The following PSME4 variants were observed in gnomAD, a reference collection of about 807,000 sequenced individuals.
PSME4 encodes proteasome activator subunit 4, also known as proteasome activator complex subunit 4.
A neutral mutation model predicts 253.9 loss-of-function variants in PSME4; 89 were observed. The ratio of observed to expected loss-of-function variants is 0.35; its 90% CI spans 0.30 to 0.42. The LOEUF is 0.42. PSME4 is among the 10% of genes least tolerant of loss of function. The probability of loss-of-function intolerance (pLI) is 1.00; values close to 1 mark genes in which losing one functional copy is unlikely to be tolerated. For missense variants in PSME4, 2,014 were observed against 2,195.2 expected (o/e 0.92, Z 1.65); for synonymous variants, 851 against 759.2 (o/e 1.12, Z -1.99).
intron 28 of PSME4, 90 bp downstream of exon 28, chr2:53,901,260 T>C: frequency 8.3e-7 from 1 of 1,199,416 alleles, no homozygotes; most frequent in Non-Finnish European, 1.2e-6. Flanking sequence ...CCAAGAATAT[T>C]ATTACTGGAA....
intron 10 of PSME4, 152 bp downstream of exon 10, chr2:53,931,683 C>T (rs1668836624): frequency 2.6e-6 from 2 of 768,626 alleles, no homozygotes; most frequent in South Asian, 2.7e-5. Context: ...ATCAAGTTAC[C>T]AATCATTACA....
At chr2:53,879,003 A>G (rs1679259044) in intron 41 of PSME4, among the ~76,000 whole-genome samples, 1 of 152,144 alleles carries the variant, frequency 6.6e-6, no homozygotes, top group African/African-American at 2.4e-5. Flanking sequence ...CAGGGGCATC[A>G]AGGAACCTGC....
chr2:53,936,068 TC>T lies in PSME4; in HGVS notation c.834+18del, dbSNP rs1669096048. ...ACCACCCCATGCCTGATAATTTTTT[TC>T]CCCAAAATGTTAATTACCTTTGGTA... On this transcript the variant is annotated intron_variant, in intron 7 of 46. Transcript: ENST00000404125. The T allele has an allele frequency of 5.6e-6, 9 of 1,607,902 alleles. No individual in the cohort carries two copies. Among genetic ancestry groups the T allele is most frequent in the Non-Finnish European group, 7.6e-6 (9 of 1,176,890 alleles).
intron 17 of PSME4, among the ~76,000 whole-genome samples, chr2:53,921,313 G>GT (rs1163569501): frequency 6.6e-6 from 1 of 151,752 alleles, no homozygotes; most frequent in Admixed American, 6.6e-5. Context: ...ATGCACCATA[G>GT]TAACATCCCT....
intron 15 of PSME4, 81 bp from the exon 16 acceptor site, chr2:53,923,199 T>A (rs1490911523): frequency 6.8e-7 from 1 of 1,480,532 alleles, no homozygotes; most frequent in African/African-American, 1.4e-5. Flanking sequence ...AGTAAAAGGC[T>A]GTAAATAAGC....
At chr2:53,930,152 T>C (rs1668759433) in intron 10 of PSME4, among the ~76,000 whole-genome samples, 1 of 152,178 alleles carries the variant, frequency 6.6e-6, no homozygotes, top group Admixed American at 6.5e-5. Context: ...CTATTAAATA[T>C]TTATCTTGGC....
rs746110703 is a variant in PSME4 at position 53,940,004 on chromosome 2, G to C, written c.501-4C>G. 17 of 1,570,726 alleles carry C rather than the reference G, an allele frequency of 1.1e-5. No homozygotes were observed. The highest frequency in any genetic ancestry group is 3.5e-5 in the Admixed American group (2 of 57,852). On this transcript the variant is annotated splice_region_variant and splice_polypyrimidine_tract_variant and intron_variant, in intron 3 of 46. Coordinates refer to ENST00000404125, the MANE Select transcript of PSME4 (RefSeq NM_014614.3). ...TTTGAGAATATTTTCTACAGAACTG[G>C]GGGGGGAAAGCCATTTGATAATTAG...
At position 53,895,290 on chromosome 2, in the gene PSME4, C is replaced by T. The variant is rs576893010; in HGVS notation, c.3843-214G>A. ...AATAAGGAGAGAAAAATATGTATTTCTCTGGGCTGGTTTAGGCATATGTAT... is the reference window on the plus strand; with the variant it reads ...AATAAGGAGAGAAAAATATGTATTTTTCTGGGCTGGTTTAGGCATATGTAT... On this transcript the variant is annotated intron_variant, in intron 33 of 46. Transcript: ENST00000404125. Among the ~76,000 whole-genome samples, 11 of 152,256 alleles carry T rather than the reference C, an allele frequency of 7.2e-5. No individual in the cohort carries two copies. The South Asian group carries it at 1.7e-3, about 23-fold the overall frequency.
chr2:53,933,403 A>AAAAAAAG (rs1558697904), intron 8 of PSME4, among the ~76,000 whole-genome samples: 1 of 139,064 alleles, frequency 7.2e-6, no homozygotes, highest in Non-Finnish European at 1.6e-5. Context: ...AAAAAAAAAA[A>AAAAAAAG]GCGTTTCCCT....
intron 12 of PSME4, among the ~76,000 whole-genome samples, chr2:53,927,069 G>C (rs1335519754): frequency 6.6e-6 from 1 of 151,984 alleles, no homozygotes; most frequent in Non-Finnish European, 1.5e-5. Flanking sequence ...TCAATCCCTT[G>C]GACAGATTTA....
chr2:53,958,850 T>A (rs375202166), intron 1 of PSME4, among the ~76,000 whole-genome samples: 1 of 150,142 alleles, frequency 6.7e-6, no homozygotes. Context: ...AGCCTTCCTG[T>A]ATAGCATCCA....
At chr2:53,899,793 G>C in intron 29 of PSME4, 88 bp downstream of exon 29, 1 of 1,464,200 alleles carries the variant, frequency 6.8e-7, no homozygotes, top group East Asian at 2.3e-5. Flanking sequence ...ACTCCAGCCT[G>C]GGCAACAGAG....
intron 31 of PSME4, among the ~76,000 whole-genome samples, chr2:53,897,344 C>A (rs1388926957): frequency 6.6e-6 from 1 of 151,818 alleles, no homozygotes; most frequent in Non-Finnish European, 1.5e-5. Flanking sequence ...TAATTTTGTA[C>A]TTCTAGTAGA....
chr2:53,922,349 T>C (rs1668365015), intron 17 of PSME4, among the ~76,000 whole-genome samples, 168 bp downstream of exon 17: 1 of 152,204 alleles, frequency 6.6e-6, no homozygotes, highest in Admixed American at 6.5e-5. Context: ...ACTACACCAC[T>C]CCTTTGACAA....
At chr2:53,883,754 T>G (rs1679506717) in intron 41 of PSME4, among the ~76,000 whole-genome samples, 1 of 151,130 alleles carries the variant, frequency 6.6e-6, no homozygotes, top group Non-Finnish European at 1.5e-5. Flanking sequence ...TTCTTTTTTT[T>G]TTTTCCATCT....
chr2:53,920,139 A>G, intron 19 of PSME4, 54 bp downstream of exon 19: 1 of 1,470,484 alleles, frequency 6.8e-7, no homozygotes, highest in South Asian at 1.5e-5. Context: ...ATAAAGCCAA[A>G]AAAGACTTCT....
chr2:53,969,444 C>A (rs1470623805), intron 1 of PSME4, among the ~76,000 whole-genome samples: 1 of 152,082 alleles, frequency 6.6e-6, no homozygotes, highest in Non-Finnish European at 1.5e-5. Context: ...AAAACTATTA[C>A]AAAACCCTGA....
intron 8 of PSME4, among the ~76,000 whole-genome samples, chr2:53,933,829 A>G (rs1157119984): frequency 6.6e-6 from 1 of 152,238 alleles, no homozygotes; most frequent in East Asian, 1.9e-4. Context: ...CATATGTAAG[A>G]TAGTAAACAT....
At chr2:53,925,860 T>G (rs548174017) in intron 13 of PSME4, 99 bp downstream of exon 13, 3 of 1,335,456 alleles carry the variant, frequency 2.2e-6, no homozygotes, top group Admixed American at 3.7e-5. Flanking sequence ...CAGTAGTAGC[T>G]AAATAAAGGT....
Sources: gnomAD v4.1 joint callset for allele counts (sites outside exome capture counted in the v4.1 genomes callset) on GRCh38, gnomAD v4.1.1 for gene constraint, MANE v1.5 for transcripts, NCBI Gene and HGNC (gene_info 2026-07-23, HGNC 2026-07-21) for gene names.